The following PAPPA variants were observed in gnomAD, a reference collection of about 807,000 sequenced individuals.
PAPPA encodes the protein pappalysin 1.
In PAPPA, 60 loss-of-function variants were observed where a neutral mutation model predicts 164.0. That is an observed-to-expected ratio of 0.37 (90% CI 0.30 to 0.45). The LOEUF is 0.45. PAPPA is among the 20% of genes least tolerant of loss of function. The probability of loss-of-function intolerance (pLI) is 1.00; values close to 1 mark genes in which losing one functional copy is unlikely to be tolerated. For synonymous variants in PAPPA, 875 were observed against 814.1 expected, an observed-to-expected ratio of 1.07 and a Z score of -1.27; for missense variants, 1,782 against 2,087.3, an observed-to-expected ratio of 0.85 and a Z score of 2.85.
intron 10 of PAPPA, among the ~76,000 whole-genome samples, chr9:116,308,164 C>A (rs529187768): frequency 1.3e-5 from 2 of 152,216 alleles, no homozygotes; most frequent in African/African-American, 4.8e-5. Context: ...CAGAGAAGTA[C>A]TGGTTCTTTT....
At chr9:116,230,180 G>A (rs924999761) in intron 6 of PAPPA, among the ~76,000 whole-genome samples, 1 of 152,138 alleles carries the variant, frequency 6.6e-6, no homozygotes, top group Non-Finnish European at 1.5e-5. Context: ...AAAAGACACT[G>A]TTCTTTTTTT....
At position 116,211,920 on chromosome 9, in the gene PAPPA, A is replaced by T. The variant is rs1844313055; in HGVS notation, c.1906A>T (p.Met636Leu). 6.2e-7 allele frequency: 1 copy of T among 1,613,782 alleles called. No individual in the cohort carries two copies. The highest frequency in any genetic ancestry group is 1.7e-5 in the Admixed American group (1 of 59,998). The change falls in exon 4 of 22, where the codon ATG becomes TTG. Residue 636 changes from methionine to leucine, a missense_variant. Met to Leu is a conservative substitution (Grantham distance 15, BLOSUM62 2). Around this residue, in one of 2 missense-constraint regions of PAPPA, gnomAD observed 1,324 missense variants for 1,656.9 expected, o/e 0.80. Transcript: ENST00000328252. ...CTTCAACACTCCTTACAACAACTTCATGAGCTATGCAGGTAGGGCCCTACA... is the reference window on the plus strand; with the variant it reads ...CTTCAACACTCCTTACAACAACTTCTTGAGCTATGCAGGTAGGGCCCTACA... ...SFFNTPYNNF[M>L]SYADDDCTDS...
At chr9:116,379,106 C>T (rs796986878) in intron 20 of PAPPA, among the ~76,000 whole-genome samples, 2 of 152,180 alleles carry the variant, frequency 1.3e-5, no homozygotes, top group Admixed American at 6.5e-5. Context: ...AGTGTGACAG[C>T]GGAATTCAAT....
intron 7 of PAPPA, among the ~76,000 whole-genome samples, chr9:116,240,068 A>G (rs1844717863): frequency 6.6e-6 from 1 of 152,208 alleles, no homozygotes; most frequent in Admixed American, 6.5e-5. Context: ...GATTTCTCCA[A>G]GAAGTAAATA....
At chr9:116,264,658 C>T (rs1845045275) in intron 7 of PAPPA, among the ~76,000 whole-genome samples, 2 of 152,116 alleles carry the variant, frequency 1.3e-5, no homozygotes, top group South Asian at 4.1e-4. Flanking sequence ...TGACATCATC[C>T]TTTTGTTTAT....
At chr9:116,266,947 T>C (rs1228216674) in intron 8 of PAPPA, among the ~76,000 whole-genome samples, 1 of 152,218 alleles carries the variant, frequency 6.6e-6, no homozygotes, top group African/African-American at 2.4e-5. Flanking sequence ...AAACATTACA[T>C]GTGGAGAAGG....
intron 10 of PAPPA, among the ~76,000 whole-genome samples, chr9:116,314,533 C>T (rs1845763146): frequency 6.6e-6 from 1 of 152,190 alleles, no homozygotes; most frequent in Non-Finnish European, 1.5e-5. Context: ...ATATTGGTCT[C>T]AGTGATTTCT....
In PAPPA at chr9:116,235,727, G is replaced by T. The variant is rs991305774; in HGVS notation, c.2732+90G>T. The T allele has an allele frequency of 4.1e-6, 5 of 1,229,546 alleles. No individual in the cohort carries two copies. In the East Asian group the frequency reaches 6.9e-5, roughly 17 times the overall value. The allele number at this position is 1,229,546 out of a possible 1,614,324, so 76.2% of individuals were successfully genotyped here. A position where few individuals can be genotyped will look rare whatever the true frequency, so the allele number is the denominator to read the frequency against. ...TCAGAGAGGCCTGGACAGGGGGAAG[G>T]TTCATCACAGTCAAGACTCACTCTA... On this transcript the variant is annotated intron_variant, in intron 7 of 21. Coordinates refer to ENST00000328252, the MANE Select transcript of PAPPA (RefSeq NM_002581.5).
chr9:116,299,882 T>C (rs1426397713), intron 9 of PAPPA, among the ~76,000 whole-genome samples: 3 of 152,080 alleles, frequency 2.0e-5, no homozygotes, highest in African/African-American at 4.8e-5. Flanking sequence ...CCTCCATTTT[T>C]TTTTTTTTTT....
chr9:116,313,805 C>T (rs1156509581), intron 10 of PAPPA, among the ~76,000 whole-genome samples: 2 of 152,240 alleles, frequency 1.3e-5, no homozygotes, highest in African/African-American at 2.4e-5. Flanking sequence ...TTTAAATAGC[C>T]TATTTGTGGG....
intron 2 of PAPPA, among the ~76,000 whole-genome samples, chr9:116,188,914 A>G (rs1844010556): frequency 6.6e-6 from 1 of 152,234 alleles, no homozygotes; most frequent in South Asian, 2.1e-4. Context: ...GAGAAGACAT[A>G]TAAAGTACAC....
At chr9:116,178,745 A>G (rs1214501783) in intron 1 of PAPPA, among the ~76,000 whole-genome samples, 2 of 152,210 alleles carry the variant, frequency 1.3e-5, no homozygotes, top group Non-Finnish European at 2.9e-5. Context: ...TCAGAGGAAG[A>G]TGTATCATCC....
At chr9:116,272,550 G>C (rs995180502) in intron 9 of PAPPA, among the ~76,000 whole-genome samples, 1 of 152,150 alleles carries the variant, frequency 6.6e-6, no homozygotes, top group African/African-American at 2.4e-5. Context: ...TTCTCAACAC[G>C]CATTTGTTGA....
At chr9:116,275,359 C>T (rs1250095933) in intron 9 of PAPPA, among the ~76,000 whole-genome samples, 1 of 152,156 alleles carries the variant, frequency 6.6e-6, no homozygotes, top group African/African-American at 2.4e-5. Flanking sequence ...CAACAACCAC[C>T]ATTTATGGAT....
intron 13 of PAPPA, among the ~76,000 whole-genome samples, chr9:116,335,444 C>T (rs1215037972): frequency 6.6e-6 from 1 of 152,002 alleles, no homozygotes; most frequent in Non-Finnish European, 1.5e-5. Flanking sequence ...ATTCTGCTTC[C>T]CGTGGCACAA....
At chr9:116,261,175 A>G (rs570420142) in intron 7 of PAPPA, among the ~76,000 whole-genome samples, 1 of 152,360 alleles carries the variant, frequency 6.6e-6, no homozygotes, top group South Asian at 2.1e-4. Flanking sequence ...CGTAGTGCGT[A>G]GCATATAATA....
intron 7 of PAPPA, among the ~76,000 whole-genome samples, chr9:116,241,035 G>A (rs1478921278): frequency 6.6e-6 from 1 of 151,962 alleles, no homozygotes; most frequent in Non-Finnish European, 1.5e-5. Flanking sequence ...AATTCTTTGG[G>A]GAAATGAATA....
intron 19 of PAPPA, among the ~76,000 whole-genome samples, chr9:116,369,268 T>TC (rs968237217): frequency 2.0e-5 from 3 of 152,032 alleles, no homozygotes; most frequent in Non-Finnish European, 4.4e-5. Context: ...CTGCACAGAT[T>TC]CCCCCGAGTG....
rs144012965 is a variant in PAPPA, at chr9:116,235,177, C to T, written c.2272C>T (p.Arg758Cys). ...TGAACAGCCCTGTAAGTCCAGTGTC[C>T]GCACCTGGAGCCCAAATTCAGCTGT... ...DVEQPCKSSVRTWSPNSAVNP... is the reference protein window; with the variant it reads ...DVEQPCKSSVCTWSPNSAVNP... The change falls in exon 7 of 22, where the codon CGC becomes TGC. Residue 758 changes from arginine (R) to cysteine (C), a missense_variant. This residue lies in a region of PAPPA where 1,324 missense variants were observed against 1,656.9 expected (regional missense o/e 0.80). Transcript: ENST00000328252. The T allele has an allele frequency of 6.2e-5, 100 of 1,613,998 alleles. 1 individual carries two copies. In the African/African-American group the frequency reaches 8.1e-4, roughly 13 times the overall value.
Sources: allele counts gnomAD v4.1 joint callset (sites outside exome capture counted in the v4.1 genomes callset), GRCh38; gene constraint gnomAD v4.1.1; regional missense constraint gnomAD v4.1.1; transcripts MANE v1.5; gene names NCBI Gene and HGNC (gene_info 2026-07-23, HGNC 2026-07-21).